The following SH3BP4 variants were observed in gnomAD, a reference collection of about 807,000 sequenced individuals.
SH3BP4 encodes the protein SH3 domain binding protein 4.
Under a neutral mutation model 65.5 loss-of-function variants are expected in SH3BP4, and 33 were observed. The observed-to-expected ratio is 0.50, with a 90% CI of 0.38 to 0.67. The LOEUF is 0.67. Ranked by LOEUF, SH3BP4 falls within the 30% of genes least tolerant of loss-of-function variation. The pLI is 0.00. For synonymous variants in SH3BP4, 552 were observed against 545.5 expected (o/e 1.01, Z -0.17); for missense variants, 1,134 against 1,261.4 (o/e 0.90, Z 1.53).
At chr2:235,049,182 G>A (rs1695968625) in intron 4 of SH3BP4, among the ~76,000 whole-genome samples, 1 of 152,170 alleles carries the variant, frequency 6.6e-6, no homozygotes, top group South Asian at 2.1e-4. Flanking sequence ...CCATGGAAAT[G>A]GGACCTTGGC....
intron 1 of SH3BP4, among the ~76,000 whole-genome samples, chr2:234,960,634 C>T (rs1214391498): frequency 6.6e-6 from 1 of 152,160 alleles, no homozygotes; most frequent in Non-Finnish European, 1.5e-5. Flanking sequence ...AAAGCAGACG[C>T]AACTGTTTGG....
intron 4 of SH3BP4, among the ~76,000 whole-genome samples, chr2:235,044,783 C>CA (rs950464355): frequency 2.2e-4 from 33 of 152,308 alleles, no homozygotes; most frequent in African/African-American, 7.7e-4. Context: ...AGCCAGGAGA[C>CA]AGAAGGGACG....
At chr2:235,032,589 C>A (rs1695239664) in intron 2 of SH3BP4, among the ~76,000 whole-genome samples, 1 of 152,170 alleles carries the variant, frequency 6.6e-6, no homozygotes, top group Non-Finnish European at 1.5e-5. Context: ...CATTTCGGGG[C>A]TGCCGGGCTG....
chr2:235,017,965 A>G (rs1379871687), intron 2 of SH3BP4, among the ~76,000 whole-genome samples: 1 of 152,118 alleles, frequency 6.6e-6, no homozygotes, highest in African/African-American at 2.4e-5. Flanking sequence ...GGTCCTATCA[A>G]CACCACCTAC....
rs749118568 is a variant in SH3BP4 at position 235,041,551 on chromosome 2, C to T, written c.782C>T (p.Thr261Ile). 1.9e-6 allele frequency: 3 copies of T among 1,614,042 alleles called. No individual in the cohort carries two copies. The highest frequency in any genetic ancestry group is 2.5e-6 in the Non-Finnish European group (3 of 1,180,048). The change falls in exon 4 of 6, where the codon ACA becomes ATA. Residue 261 changes from threonine (T) to isoleucine (I), a missense_variant. Transcript: ENST00000392011. The surrounding 1 kb of genome is among the most constrained non-coding windows in gnomAD (Gnocchi z 6.0). ...CTCCAAGCCAAGTCCGATGCTCCCA[C>T]ATCGTCGAGTTTCTTCACCGGCTTG... ...SVLQAKSDAP[T>I]SSSFFTGLKS...
rs1033365796 is a variant in SH3BP4 at position 234,952,889 on chromosome 2, G to A, written c.-207+719G>A. 6.6e-6 allele frequency: 1 copy of A among 152,174 alleles called. No individual in the cohort carries two copies. The highest frequency in any genetic ancestry group is 1.5e-5 in the Non-Finnish European group (1 of 68,052). The allele number at this position is 152,174 out of a possible 1,614,324, so 9.4% of individuals were successfully genotyped here. On this transcript the variant is annotated intron_variant, in intron 1 of 5. Coordinates refer to ENST00000392011, the MANE Select transcript of SH3BP4 (RefSeq NM_014521.3). The surrounding 1 kb of genome is among the most constrained non-coding windows in gnomAD (Gnocchi z 6.5). ...AGCCCGCTCCGCGGCACGGGCGGGT[G>A]TCAGTTGGGACCCCAACCCTGGGTC...
chr2:235,035,076 A>T lies in SH3BP4; in HGVS notation c.74A>T (p.Asp25Val). 6.2e-7 allele frequency: 1 copy of T among 1,614,090 alleles called. No homozygotes were observed. The highest frequency in any genetic ancestry group is 8.5e-7 in the Non-Finnish European group (1 of 1,179,990). ...TGCAAGTCAGAGGGGACCCTGATTGACCTGAGCGAAGGGTTTTCAGAGACG... is the reference window on the plus strand; with the variant it reads ...TGCAAGTCAGAGGGGACCCTGATTGTCCTGAGCGAAGGGTTTTCAGAGACG... The part of the protein sequence containing the change: ...PRCKSEGTLI[D>V]LSEGFSETSF... Residue 25 changes from aspartate to valine, a missense_variant, in exon 3 of 6, where the codon GAC becomes GTC. Asp to Val is a radical substitution (Grantham distance 152). Transcript: ENST00000392011. This position sits in a 1 kb window ranked among gnomAD's most constrained non-coding sequence, Gnocchi z 5.0.
At position 235,046,685 on chromosome 2, in the gene SH3BP4, A is replaced by G. The variant is rs1695868964; in HGVS notation, c.2478+3438A>G. On this transcript the variant is annotated intron_variant, in intron 4 of 5. Transcript: ENST00000392011. The surrounding 1 kb of genome is among the most constrained non-coding windows in gnomAD (Gnocchi z 4.2). ...CATGAGAGGAAGGGCCCCGGCACAT[A>G]AGAATCACTGAGGTACTAGATGGAT... 6.6e-6 allele frequency among the ~76,000 whole-genome samples: 1 copy of G among 152,042 alleles called. No homozygotes were observed. The highest frequency in any genetic ancestry group is 2.1e-4 in the South Asian group (1 of 4,814).
chr2:235,051,131 G>A (rs1039599019), intron 4 of SH3BP4, among the ~76,000 whole-genome samples: 1 of 152,200 alleles, frequency 6.6e-6, no homozygotes, highest in African/African-American at 2.4e-5. Flanking sequence ...ATCAGACCCA[G>A]CATGCGGCTC....
At position 235,041,228 on chromosome 2, in the gene SH3BP4, C is replaced by T. The variant is rs1695627183; in HGVS notation, c.459C>T (p.Gly153=). 5 of 1,614,092 alleles carry T rather than the reference C, an allele frequency of 3.1e-6. No individual in the cohort carries two copies. The highest frequency in any genetic ancestry group is 1.3e-5 in the African/African-American group (1 of 75,042). Residue 153 remains glycine (G), a synonymous_variant, in exon 4 of 6, where the codon GGC becomes GGT. Coordinates refer to ENST00000392011, the MANE Select transcript of SH3BP4 (RefSeq NM_014521.3). This position sits in a 1 kb window ranked among gnomAD's most constrained non-coding sequence, Gnocchi z 6.0. ...GGACAGATGACAAAAAAGTACCAGG[C>T]AGAATGTACAGTAATAACCCTTTCT... is the stretch of plus-strand genomic sequence containing the variant. The part of the protein sequence containing the change: ...GGWTDDKKVP[G]RMYSNNPFWN...
chr2:234,953,992 G>A (rs1011479912), intron 1 of SH3BP4, among the ~76,000 whole-genome samples: 1 of 151,864 alleles, frequency 6.6e-6, no homozygotes, highest in Non-Finnish European at 1.5e-5. Flanking sequence ...ACTGCCTGAT[G>A]TTTGTGGGTC....
intron 4 of SH3BP4, among the ~76,000 whole-genome samples, chr2:235,050,551 T>G (rs957571732): frequency 1.3e-5 from 2 of 152,084 alleles, no homozygotes. Context: ...CTGTCGCTCC[T>G]GGTTCTTTTT....
chr2:235,011,383 C>T (rs1392082325), intron 2 of SH3BP4, among the ~76,000 whole-genome samples: 1 of 152,228 alleles, frequency 6.6e-6, no homozygotes, highest in Non-Finnish European at 1.5e-5. Flanking sequence ...CTTATAAGGA[C>T]ACCAGTGATT....
At chr2:235,010,968 C>T (rs533279494) in intron 2 of SH3BP4, among the ~76,000 whole-genome samples, 2 of 149,084 alleles carry the variant, frequency 1.3e-5, no homozygotes, top group Non-Finnish European at 3.0e-5. Flanking sequence ...CCCTTCTTCC[C>T]TCTTCTAGGA....
At chr2:235,025,040 C>T (rs1694956563) in intron 2 of SH3BP4, among the ~76,000 whole-genome samples, 1 of 152,106 alleles carries the variant, frequency 6.6e-6, no homozygotes, top group South Asian at 2.1e-4. Context: ...GGAAGTATTT[C>T]TGGTCTGGGC....
intron 2 of SH3BP4, among the ~76,000 whole-genome samples, chr2:234,999,716 T>C (rs1290413133): frequency 6.6e-6 from 1 of 152,190 alleles, no homozygotes; most frequent in Non-Finnish European, 1.5e-5. Context: ...TAAGACACCC[T>C]CAGACTTGCT....
chr2:235,003,723 T>A (rs1158035408), intron 2 of SH3BP4, among the ~76,000 whole-genome samples: 1 of 152,204 alleles, frequency 6.6e-6, no homozygotes, highest in Non-Finnish European at 1.5e-5. Flanking sequence ...TGCAGGGAGA[T>A]GTGGCTCTGG....
chr2:235,013,964 A>G (rs916669239), intron 2 of SH3BP4, among the ~76,000 whole-genome samples: 13 of 152,172 alleles, frequency 8.5e-5, no homozygotes, highest in Non-Finnish European at 1.8e-4. Context: ...GATTACTACT[A>G]TCTACCATAT....
At chr2:234,969,437 TGGCCTCTGACTGGGA>T (rs1199740794) in intron 1 of SH3BP4, among the ~76,000 whole-genome samples, 1 of 152,188 alleles carries the variant, frequency 6.6e-6, no homozygotes, top group East Asian at 1.9e-4. Context: ...TCTGTGACCC[TGGCCTCTGACTGGGA>T]GGCCACCCTT....
Sources: allele counts gnomAD v4.1 joint callset (sites outside exome capture counted in the v4.1 genomes callset), GRCh38; gene constraint gnomAD v4.1.1; non-coding constraint Gnocchi (gnomAD v3.1); transcripts MANE v1.5; gene names NCBI Gene and HGNC (gene_info 2026-07-23, HGNC 2026-07-21).